Variants in CACNA2D2 observed in about 807,000 individuals in gnomAD.
CACNA2D2 encodes calcium voltage-gated channel auxiliary subunit alpha2delta 2, also known as voltage-dependent calcium channel subunit alpha-2/delta-2.
Under a neutral mutation model 166.4 loss-of-function variants are expected in CACNA2D2, and 48 were observed. That is an observed-to-expected ratio of 0.29 (90% CI 0.23 to 0.37). The LOEUF (loss-of-function observed/expected upper bound fraction) is 0.37. CACNA2D2 is among the 10% of genes least tolerant of loss of function. CACNA2D2 has a pLI of 1.00. For missense variants in CACNA2D2, 1,122 were observed against 1,433.0 expected, an observed-to-expected ratio of 0.78 and a Z score of 3.50; for synonymous variants, 561 against 573.7, an observed-to-expected ratio of 0.98 and a Z score of 0.32.
intron 2 of CACNA2D2, among the ~76,000 whole-genome samples, chr3:50,442,196 A>G (rs1288249232): frequency 1.3e-5 from 2 of 152,168 alleles, no homozygotes; most frequent in African/African-American, 4.8e-5. Flanking sequence ...AGGTCTCCCT[A>G]CTACAGAAGT....
intron 2 of CACNA2D2, among the ~76,000 whole-genome samples, chr3:50,459,461 G>A (rs1412747806): frequency 1.3e-5 from 2 of 152,126 alleles, no homozygotes; most frequent in African/African-American, 4.8e-5. Context: ...TGGTGGGGAT[G>A]CATCAGCCCA....
chr3:50,447,754 C>T (rs903631317), intron 2 of CACNA2D2, among the ~76,000 whole-genome samples: 1 of 152,142 alleles, frequency 6.6e-6, no homozygotes, highest in Non-Finnish European at 1.5e-5. Flanking sequence ...GGCAGCCTCC[C>T]TGCCTGCTTG....
At chr3:50,400,642 C>T (rs79685183) in intron 3 of CACNA2D2, among the ~76,000 whole-genome samples, 3,056 of 152,288 alleles carry the variant, frequency 0.02, 110 homozygotes, top group Non-Finnish European at 0.019. Flanking sequence ...GACTTACGTG[C>T]TGAGGGTGAT....
chr3:50,428,447 A>G lies in CACNA2D2; in HGVS notation c.405+5866T>C, dbSNP rs182355924. Among the ~76,000 whole-genome samples, 18 of 152,308 alleles carry G rather than the reference A, an allele frequency of 1.2e-4. No homozygotes were observed. The East Asian group carries it at 3.5e-3, about 29-fold the overall frequency. On this transcript the variant is annotated intron_variant, in intron 3 of 37. Transcript: ENST00000424201. ...CTGCCCCTCTGAATGCCCAGCCCAGAGCCCAGTTCCTGAACAGACCCGGTC... is the reference window on the plus strand; with the variant it reads ...CTGCCCCTCTGAATGCCCAGCCCAGGGCCCAGTTCCTGAACAGACCCGGTC...
chr3:50,366,558 T>C lies in CACNA2D2; in HGVS notation c.2637+20A>G. 6.2e-7 allele frequency: 1 copy of C among 1,613,218 alleles called. No homozygotes were observed. Among genetic ancestry groups the C allele is most frequent in the Non-Finnish European group, 8.5e-7 (1 of 1,179,392 alleles). On this transcript the variant is annotated intron_variant, in intron 30 of 37. Transcript: ENST00000424201. This position sits in a 1 kb window ranked among gnomAD's most constrained non-coding sequence, Gnocchi z 5.9. The stretch of plus-strand genomic sequence containing the variant: ...AAGTGGGGTAAGCTAGGGTCCAGGG[T>C]AGGTTCAGGGCACACACACCTCATT...
intron 5 of CACNA2D2, among the ~76,000 whole-genome samples, chr3:50,386,839 C>G (rs1705634681): frequency 6.6e-6 from 1 of 152,206 alleles, no homozygotes; most frequent in African/African-American, 2.4e-5. Context: ...GCCTTAAAGT[C>G]AGGCAGAGGG....
Position 50,384,235 on chromosome 3 carries a change from A to G in CACNA2D2, c.613T>C (p.Tyr205His), listed in dbSNP as rs587652758. Residue 205 changes from tyrosine (Y) to histidine (H), a missense_variant, in exon 6 of 38, where the codon TAC (tyrosine) becomes CAC (histidine). By Grantham distance (83) the Tyr-to-His change is moderately conservative (BLOSUM62 2). This residue lies in a region of CACNA2D2 where 840 missense variants were observed against 1,166.8 expected (regional missense o/e 0.72). Coordinates refer to ENST00000424201, the MANE Select transcript of CACNA2D2 (RefSeq NM_006030.4). ...PNFKNKVNYS[Y>H]AAVQIPTDIY... ...TCCGTAGGGATCTGTACAGCCGCGT[A>G]TGAATAGTTGACCTTGTTCTTGAAG... The G allele has an allele frequency of 1.2e-6, 2 of 1,614,192 alleles. No individual in the cohort carries two copies. The highest frequency in any genetic ancestry group is 2.2e-5 in the South Asian group (2 of 91,086).
At chr3:50,410,707 G>A (rs1706969980) in intron 3 of CACNA2D2, among the ~76,000 whole-genome samples, 1 of 152,252 alleles carries the variant, frequency 6.6e-6, no homozygotes, top group Non-Finnish European at 1.5e-5. Context: ...GGGGGTAAGT[G>A]GGACCCCTGT....
intron 4 of CACNA2D2, among the ~76,000 whole-genome samples, chr3:50,393,318 T>G (rs1451951386): frequency 6.6e-6 from 1 of 152,170 alleles, no homozygotes; most frequent in Non-Finnish European, 1.5e-5. Context: ...CCCCAGCAGC[T>G]GTGGAGGACA....
At position 50,489,242 on chromosome 3, in the gene CACNA2D2, T is replaced by A. The variant is rs752337108; in HGVS notation, c.207-13043A>T. Reference sequence around the variant, plus strand: ...GGCTTTCTACCACACAGCAGGCATATGCATCAGGGCCCACAGCTCCAGGGC... The same window carrying A: ...GGCTTTCTACCACACAGCAGGCATAAGCATCAGGGCCCACAGCTCCAGGGC... On this transcript the variant is annotated intron_variant, in intron 1 of 37. Coordinates refer to ENST00000424201, the MANE Select transcript of CACNA2D2 (RefSeq NM_006030.4). Among the ~76,000 whole-genome samples, 26 of 152,316 alleles carry A rather than the reference T, an allele frequency of 1.7e-4. 1 individual carries two copies. Among genetic ancestry groups the A allele is most frequent in the Middle Eastern group, 6.8e-3 (2 of 294 alleles).
At chr3:50,418,763 G>A (rs1305172916) in intron 3 of CACNA2D2, among the ~76,000 whole-genome samples, 1 of 152,378 alleles carries the variant, frequency 6.6e-6, no homozygotes, top group Non-Finnish European at 1.5e-5. Context: ...TGGAGGGATG[G>A]AGGAATGCAG....
intron 3 of CACNA2D2, among the ~76,000 whole-genome samples, chr3:50,402,040 G>A (rs1053567182): frequency 2.0e-5 from 3 of 152,200 alleles, no homozygotes; most frequent in African/African-American, 7.2e-5. Flanking sequence ...ATCAAGAGGA[G>A]GAAGGCCATG....
rs1243314836 is a variant in CACNA2D2, at chr3:50,378,026, G to A, written c.1461C>T (p.Asn487=). ...GKEAKQVQWT[N]VYEDALGLGL... ...GCCTTACCAGTGCATCCTCATACAC[G>A]TTGGTCCACTGCACCTGCTTGGCCT... Residue 487 remains asparagine, a synonymous_variant, in exon 15 of 38, where the codon AAC becomes AAT. Coordinates refer to ENST00000424201, the MANE Select transcript of CACNA2D2 (RefSeq NM_006030.4). The A allele has an allele frequency of 4.3e-6, 7 of 1,613,602 alleles. No individual in the cohort carries two copies. The highest frequency in any genetic ancestry group is 1.6e-4 in the Middle Eastern group (1 of 6,084).
At chr3:50,433,808 G>C (rs1305547858) in intron 3 of CACNA2D2, among the ~76,000 whole-genome samples, 3 of 152,164 alleles carry the variant, frequency 2.0e-5, no homozygotes, top group African/African-American at 7.2e-5. Flanking sequence ...CCAGATGGGG[G>C]AGCAGAGAAA....
Position 50,434,376 on chromosome 3 carries a change from C to T in CACNA2D2, c.342G>A (p.Lys114=). 1 of 1,614,220 alleles carries T rather than the reference C, an allele frequency of 6.2e-7. No homozygotes were observed. Among genetic ancestry groups the T allele is most frequent in the Non-Finnish European group, 8.5e-7 (1 of 1,180,034 alleles). ...LFEVQENEPQ[K]LVEKVAGDIE... Reference sequence around the variant, plus strand: ...TGTCCCCTGCCACCTTCTCCACCAACTTCTGAGGCTCATTCTCCTGTACCT... The same window carrying T: ...TGTCCCCTGCCACCTTCTCCACCAATTTCTGAGGCTCATTCTCCTGTACCT... The change falls in exon 3 of 38, where the codon AAG becomes AAA. Residue 114 remains lysine, a synonymous_variant. Coordinates refer to ENST00000424201, the MANE Select transcript of CACNA2D2 (RefSeq NM_006030.4).
intron 2 of CACNA2D2, among the ~76,000 whole-genome samples, chr3:50,445,801 G>A (rs991540897): frequency 1.3e-5 from 2 of 152,300 alleles, no homozygotes; most frequent in East Asian, 1.9e-4. Flanking sequence ...TGCAGGGGTG[G>A]GGTTACCACC....
chr3:50,466,700 C>T (rs1313174071), intron 2 of CACNA2D2, among the ~76,000 whole-genome samples: 1 of 152,246 alleles, frequency 6.6e-6, no homozygotes, highest in Non-Finnish European at 1.5e-5. Flanking sequence ...CAGTGGATCA[C>T]GGGACCAAGA....
intron 2 of CACNA2D2, among the ~76,000 whole-genome samples, chr3:50,471,031 C>T (rs1455326448): frequency 2.0e-5 from 3 of 152,174 alleles, no homozygotes; most frequent in Non-Finnish European, 4.4e-5. Context: ...ACAGCAATCC[C>T]TATCCAGCGG....
intron 1 of CACNA2D2, among the ~76,000 whole-genome samples, chr3:50,498,925 G>T (rs1560010448): frequency 6.6e-6 from 1 of 152,224 alleles, no homozygotes; most frequent in South Asian, 2.1e-4. Context: ...CTTTAAGCAG[G>T]TCCCTTCATT....
Sources: allele counts gnomAD v4.1 joint callset (sites outside exome capture counted in the v4.1 genomes callset), GRCh38; gene constraint gnomAD v4.1.1; regional missense constraint gnomAD v4.1.1; non-coding constraint Gnocchi (gnomAD v3.1); transcripts MANE v1.5; gene names NCBI Gene and HGNC (gene_info 2026-07-23, HGNC 2026-07-21).